Variants in NANOG observed in about 807,000 individuals in gnomAD.
The protein encoded by NANOG is Nanog homeobox.
NANOG carries 2 observed loss-of-function variants against 17.7 expected under a neutral mutation model. The ratio of observed to expected loss-of-function variants is 0.11; its 90% confidence interval spans 0.05 to 0.36. The LOEUF is 0.36. NANOG is among the 10% of genes least tolerant of loss of function. NANOG has a pLI of 1.00. For synonymous variants in NANOG, 81 were observed against 124.7 expected (o/e 0.65, Z 2.33); for missense variants, 174 against 362.1 (o/e 0.48, Z 4.22).
In NANOG at chr12:7,789,689, G is replaced by C; in HGVS notation, c.75G>C (p.Met25Ile). ...CCGACTGTAAAGAATCTTCACCTATGCCTGTGATTTGTGGGCCTGAAGAAA... is the reference window on the plus strand; with the variant it reads ...CCGACTGTAAAGAATCTTCACCTATCCCTGTGATTTGTGGGCCTGAAGAAA... ...EASDCKESSPMPVICGPEENY... is the reference protein window; with the variant it reads ...EASDCKESSPIPVICGPEENY... The change falls in exon 1 of 4, where the codon ATG becomes ATC. Residue 25 changes from methionine to isoleucine, a missense_variant. Physicochemically the swap from Met to Ile is conservative, Grantham distance 10. This residue lies in a region of NANOG where 158 missense variants were observed against 244.2 expected (regional missense o/e 0.65). Coordinates refer to ENST00000229307, the MANE Select transcript of NANOG (RefSeq NM_024865.4). 2 of 1,614,162 alleles carry C rather than the reference G, an allele frequency of 1.2e-6. No homozygotes were observed. The highest frequency in any genetic ancestry group is 1.7e-6 in the Non-Finnish European group (2 of 1,180,034).
In NANOG at chr12:7,789,466, T is replaced by C; in HGVS notation, c.-149T>C. ...CTGAGCTGGTTGCCTCATGTTATTA[T>C]GCAGGCAACTCACTTTATCCCAATT... On this transcript the variant is annotated 5_prime_UTR_variant, in exon 1 of 4. An upstream start codon of the reference 5' UTR is lost. Coordinates refer to ENST00000229307, the MANE Select transcript of NANOG (RefSeq NM_024865.4). The C allele has an allele frequency of 3.1e-6, 2 of 648,976 alleles. No homozygotes were observed. The highest frequency in any genetic ancestry group is 2.8e-5 in the Admixed American group (1 of 35,208). The allele number at this position is 648,976 out of a possible 1,614,324, so 40.2% of individuals were successfully genotyped here. A position where few individuals can be genotyped will look rare whatever the true frequency, so the allele number is the denominator to read the frequency against.
intron 2 of NANOG, among the ~76,000 whole-genome samples, chr12:7,794,216 G>A (rs1862884687): frequency 6.6e-6 from 1 of 151,722 alleles, no homozygotes; most frequent in African/African-American, 2.4e-5. Flanking sequence ...TGGGACCACA[G>A]ACGTGCAGCA....
rs1449826028 is a variant in NANOG, at chr12:7,794,527, G to A, written c.485G>A (p.Ser162Asn). ...CAGAAAAACAACTGGCCGAAGAATA[G>A]CAATGGTGTGACGCAGGTAACAGGA... is the stretch of plus-strand genomic sequence containing the variant. ...RWQKNNWPKNSNGVTQKASAP... is the reference protein window; with the variant it reads ...RWQKNNWPKNNNGVTQKASAP... Residue 162 changes from serine (S) to asparagine (N), a missense_variant, in exon 3 of 4, where the codon AGC becomes AAC. Physicochemically the swap from Ser to Asn is conservative, Grantham distance 46. Coordinates refer to ENST00000229307, the MANE Select transcript of NANOG (RefSeq NM_024865.4). 9.3e-6 allele frequency: 15 copies of A among 1,613,390 alleles called. No individual in the cohort carries two copies. Among genetic ancestry groups the A allele is most frequent in the African/African-American group, 2.7e-5 (2 of 74,894 alleles).
In NANOG at chr12:7,794,898, T is replaced by C; in HGVS notation, c.721T>C (p.Tyr241His). ...CAATCAGGCCTGGAACAGTCCCTTC[T>C]ATAACTGTGGAGAGGAATCTCTGCA... ...WNNQAWNSPFYNCGEESLQSC... is the reference protein window; with the variant it reads ...WNNQAWNSPFHNCGEESLQSC... The change falls in exon 4 of 4, where the codon TAT becomes CAT. Residue 241 changes from tyrosine to histidine, a missense_variant. By Grantham distance (83) the Tyr-to-His change is moderately conservative. This residue lies in a region of NANOG where 16 missense variants were observed against 117.9 expected (regional missense o/e 0.14). Coordinates refer to ENST00000229307, the MANE Select transcript of NANOG (RefSeq NM_024865.4). 7.5e-7 allele frequency: 1 copy of C among 1,336,392 alleles called. No individual in the cohort carries two copies. The highest frequency in any genetic ancestry group is 1.1e-6 in the Non-Finnish European group (1 of 937,724). The allele number at this position is 1,336,392 out of a possible 1,614,324, so 82.8% of individuals were successfully genotyped here.
intron 1 of NANOG, among the ~76,000 whole-genome samples, chr12:7,791,159 A>G (rs1275543802): frequency 1.4e-5 from 2 of 147,254 alleles, no homozygotes; most frequent in Non-Finnish European, 3.0e-5. Context: ...CCCACGCGGG[A>G]GTGCAGTGGC....
At chr12:7,790,165 G>C (rs957297628) in intron 1 of NANOG, among the ~76,000 whole-genome samples, 1 of 142,138 alleles carries the variant, frequency 7.0e-6, no homozygotes, top group East Asian at 1.9e-4. Context: ...AAGACCTAAC[G>C]TCATAGCTCA....
At chr12:7,792,847 G>T in intron 1 of NANOG, 103 bp from the exon 2 acceptor site, 1 of 1,198,616 alleles carries the variant, frequency 8.3e-7, no homozygotes, top group South Asian at 1.5e-5. Flanking sequence ...TTAGATCTGG[G>T]GTTCTGGGAA....
intron 1 of NANOG, among the ~76,000 whole-genome samples, chr12:7,791,195 G>T (rs1469157534): frequency 3.3e-5 from 5 of 150,258 alleles, no homozygotes; most frequent in Non-Finnish European, 7.4e-5. Context: ...TGCAACCTCC[G>T]CCTCCTAGGT....
At chr12:7,789,829 G>C (rs2120557559) in intron 1 of NANOG, 64 bp downstream of exon 1, 1 of 1,511,664 alleles carries the variant, frequency 6.6e-7, no homozygotes, top group East Asian at 2.3e-5. Context: ...AGGAGAGAGG[G>C]TTAAGGGATC....
intron 2 of NANOG, 119 bp from the exon 3 acceptor site, chr12:7,794,338 G>A (rs1159782499): frequency 1.1e-6 from 1 of 944,536 alleles, no homozygotes; most frequent in Non-Finnish European, 1.6e-6. Context: ...CTTCCAAAGT[G>A]TTGGGATTAC....
intron 1 of NANOG, 91 bp downstream of exon 1, chr12:7,789,856 A>G: frequency 7.8e-7 from 1 of 1,283,380 alleles, no homozygotes. Context: ...CTCTTGAGCA[A>G]TGATGGACCA....
chr12:7,792,381 C>T (rs781261355), intron 1 of NANOG, among the ~76,000 whole-genome samples: 7 of 152,224 alleles, frequency 4.6e-5, no homozygotes, highest in Non-Finnish European at 1.0e-4. Flanking sequence ...AAGGTGGTAG[C>T]GCCGGCCTGA....
At position 7,795,757 on chromosome 12, in the gene NANOG, TGTATTC is replaced by T. The variant is rs1158771668; in HGVS notation, c.*668_*673del. 1 of 144,908 alleles carries T rather than the reference TGTATTC, an allele frequency of 6.9e-6. No homozygotes were observed. The highest frequency in any genetic ancestry group is 1.5e-5 in the Non-Finnish European group (1 of 66,342). The allele number at this position is 144,908 out of a possible 1,614,324, so 9.0% of individuals were successfully genotyped here. A position where few individuals can be genotyped will look rare whatever the true frequency, so the allele number is the denominator to read the frequency against. On this transcript the variant is annotated 3_prime_UTR_variant, in exon 4 of 4. Transcript: ENST00000229307. ...TACAAGTACAAATTGGTGATGAAGA[TGTATTC>T]GTATTGTTTGGGATTGGGAGGCTTT...
Position 7,795,031 on chromosome 12 carries a change from G to T in NANOG, c.854G>T (p.Ser285Ile), listed in dbSNP as rs1310469284. 1 of 1,250,348 alleles carries T rather than the reference G, an allele frequency of 8.0e-7. No homozygotes were observed. The highest frequency in any genetic ancestry group is 1.2e-5 in the South Asian group (1 of 83,734). 77.5% of individuals were successfully genotyped at this position (1,250,348 alleles called of 1,614,324 possible). The change falls in exon 4 of 4, where the codon AGT becomes ATT. Residue 285 changes from serine (S) to isoleucine (I), a missense_variant. Transcript: ENST00000229307. ...ATACAGCAGACCACTAGGTATTTTA[G>T]TACTCCACAAACCATGGATTTATTC... is the stretch of plus-strand genomic sequence containing the variant. ...NVIQQTTRYF[S>I]TPQTMDLFLN...
At chr12:7,792,613 G>C (rs1044386926) in intron 1 of NANOG, among the ~76,000 whole-genome samples, 2 of 152,034 alleles carry the variant, frequency 1.3e-5, no homozygotes, top group Admixed American at 6.6e-5. Flanking sequence ...GCAGTGAGCC[G>C]AGATTGCACC....
chr12:7,792,680 G>C (rs765397427), intron 1 of NANOG, among the ~76,000 whole-genome samples: 2 of 151,816 alleles, frequency 1.3e-5, no homozygotes, highest in African/African-American at 4.8e-5. Flanking sequence ...TAAAAAAAAG[G>C]GGTAGCGCCG....
Position 7,794,563 on chromosome 12 carries a change from T to C in NANOG, c.501+20T>C, listed in dbSNP as rs1862889514. The C allele has an allele frequency of 6.2e-7, 1 of 1,611,396 alleles. No homozygotes were observed. The highest frequency in any genetic ancestry group is 1.3e-5 in the African/African-American group (1 of 74,896). ...ACGCAGGTAACAGGAAACTTCATTCTGTTCTTTCCTTTCAGTGATCTTTCA... is the reference window on the plus strand; with the variant it reads ...ACGCAGGTAACAGGAAACTTCATTCCGTTCTTTCCTTTCAGTGATCTTTCA... On this transcript the variant is annotated intron_variant, in intron 3 of 3. Coordinates refer to ENST00000229307, the MANE Select transcript of NANOG (RefSeq NM_024865.4).
In NANOG at chr12:7,796,598, T is replaced by C. The variant is rs2079685849; in HGVS notation, c.*1503T>C. The C allele has an allele frequency of 6.6e-6, 1 of 152,222 alleles. No individual in the cohort carries two copies. Among genetic ancestry groups the C allele is most frequent in the African/African-American group, 2.4e-5 (1 of 41,466 alleles). 9.4% of individuals were successfully genotyped at this position (152,222 alleles called of 1,614,324 possible). On this transcript the variant is annotated 3_prime_UTR_variant, in exon 4 of 4. Transcript: ENST00000229307. Reference sequence around the variant, plus strand: ...AATCCTTTACTGTCCTTTTCCCATCTTGTGCCTGCCCTAAATGTATCTGAT... The same window carrying C: ...AATCCTTTACTGTCCTTTTCCCATCCTGTGCCTGCCCTAAATGTATCTGAT...
intron 1 of NANOG, among the ~76,000 whole-genome samples, chr12:7,792,525 G>A (rs1338504602): frequency 8.5e-5 from 13 of 152,236 alleles, no homozygotes; most frequent in Admixed American, 5.2e-4. Flanking sequence ...TTAGCCAGGC[G>A]TGATGGTGCC....
Sources: gnomAD v4.1 joint callset for allele counts (sites outside exome capture counted in the v4.1 genomes callset) on GRCh38, gnomAD v4.1.1 for gene constraint, gnomAD v4.1.1 regional missense constraint, MANE v1.5 for transcripts, NCBI Gene and HGNC (gene_info 2026-07-23, HGNC 2026-07-21) for gene names.